MUC3A: variants seen among roughly 807,000 people sequenced by gnomAD.
The protein encoded by MUC3A is mucin 3A, cell surface associated.
In MUC3A, 109 loss-of-function variants were observed where a neutral mutation model predicts 109.0. The observed-to-expected ratio is 1.00, with a 90% CI of 0.86 to 1.17. MUC3A has a LOEUF of 1.17. Ranked by LOEUF, MUC3A falls within the 50% of genes most tolerant of loss-of-function variation. The pLI is 0.00. For missense variants in MUC3A, 3,537 were observed against 2,469.4 expected, an observed-to-expected ratio of 1.43 and a Z score of -9.16; for synonymous variants, 1,398 against 981.4, an observed-to-expected ratio of 1.42 and a Z score of -7.93.
Position 100,963,246 on chromosome 7 carries a change from A to T in MUC3A, c.9148A>T (p.Asn3050Tyr). The T allele has an allele frequency of 6.3e-7, 1 of 1,597,964 alleles. No individual in the cohort carries two copies. The highest frequency in any genetic ancestry group is 8.5e-7 in the Non-Finnish European group (1 of 1,179,570). The change falls in exon 4 of 12, where the codon AAC becomes TAC. Residue 3050 changes from asparagine to tyrosine, a missense_variant. By Grantham distance (143) the Asn-to-Tyr change is moderately radical (BLOSUM62 -2). Coordinates refer to ENST00000379458, the MANE Select transcript of MUC3A (RefSeq NM_005960.2). ...CACTTCCCAGGCCTACAGGGATTTCAACAAGACCTTCTGGAATCAGGTAAA... is the reference window on the plus strand; with the variant it reads ...CACTTCCCAGGCCTACAGGGATTTCTACAAGACCTTCTGGAATCAGGTAAA... ...DNTSQAYRDF[N>Y]KTFWNQMQKI...
At chr7:100,962,372 C>G (rs1213395856) in intron 3 of MUC3A, among the ~76,000 whole-genome samples, 1 of 152,292 alleles carries the variant, frequency 6.6e-6, no homozygotes, top group Non-Finnish European at 1.5e-5. Context: ...GAGCTATGAT[C>G]CCCCTATTGC....
chr7:100,960,446 C>G lies in MUC3A; in HGVS notation c.8667C>G (p.Ile2889Met). 1 of 1,598,608 alleles carries G rather than the reference C, an allele frequency of 6.3e-7. No homozygotes were observed. The highest frequency in any genetic ancestry group is 8.5e-7 in the Non-Finnish European group (1 of 1,179,816). The change falls in exon 2 of 12, where the codon ATC becomes ATG. Residue 2889 changes from isoleucine (I) to methionine (M), a missense_variant. Transcript: ENST00000379458. ...TACCTCTTCCTGGCGTCTCTACCAT[C>G]CCGCTCACCATGAAACCAAGCAGTA... is the stretch of plus-strand genomic sequence containing the variant. Reference protein sequence around the residue: ...IPLPLPGVSTIPLTMKPSSSL... With the variant: ...IPLPLPGVSTMPLTMKPSSSL...
Position 100,967,159 on chromosome 7 carries a change from G to A in MUC3A, c.9969G>A (p.Val3323=), listed in dbSNP as rs1481462145. Residue 3323 remains valine (V), a synonymous_variant, in exon 12 of 12, where the codon GTG becomes GTA. Coordinates refer to ENST00000379458, the MANE Select transcript of MUC3A (RefSeq NM_005960.2). ...GACCCGAGATGACCTCGTCCTCAGT[G>A]TGAGCCCTGCGGGGCCCCTTCACCA... ...IKRPEMTSSS[V] is the part of the protein sequence containing the mutation. The A allele has an allele frequency of 9.4e-6, 15 of 1,598,424 alleles. No individual in the cohort carries two copies. Among genetic ancestry groups the A allele is most frequent in the African/African-American group, 1.3e-5 (1 of 74,964 alleles).
rs779343949 is a variant in MUC3A at position 100,965,854 on chromosome 7, G to A, written c.9599G>A (p.Gly3200Asp). 1 of 1,594,016 alleles carries A rather than the reference G, an allele frequency of 6.3e-7. No individual in the cohort carries two copies. Among genetic ancestry groups the A allele is most frequent in the Non-Finnish European group, 8.5e-7 (1 of 1,176,834 alleles). Residue 3200 changes from glycine to aspartate, a missense_variant, in exon 8 of 12, where the codon GGT (glycine) becomes GAT (aspartate). Coordinates refer to ENST00000379458, the MANE Select transcript of MUC3A (RefSeq NM_005960.2). Reference sequence around the variant, plus strand: ...GGCCAGTGCGTTCTGGAGACGAGCGGTCCCACGTGTCGGTAAGGCCCCGCT... The same window carrying A: ...GGCCAGTGCGTTCTGGAGACGAGCGATCCCACGTGTCGGTAAGGCCCCGCT... ...HQGQCVLETS[G>D]PTCRCYSTDT...
chr7:100,962,514 A>AT, intron 3 of MUC3A, among the ~76,000 whole-genome samples: 1 of 152,310 alleles, frequency 6.6e-6, no homozygotes. Context: ...AGTTCTGGGG[A>AT]TTAGGACATG....
At position 100,967,221 on chromosome 7, in the gene MUC3A, T is replaced by A. The variant is rs1792626230; in HGVS notation, c.*59T>A. 3 of 1,594,662 alleles carry A rather than the reference T, an allele frequency of 1.9e-6. No individual in the cohort carries two copies. The highest frequency in any genetic ancestry group is 2.5e-6 in the Non-Finnish European group (3 of 1,177,332). ...CTGCCCCGGACACAAGGGTCTGCAT[T>A]GCGTCCATTTCAAGAGGTGGCCCCA... On this transcript the variant is annotated 3_prime_UTR_variant, in exon 12 of 12. Transcript: ENST00000379458.
In MUC3A at chr7:100,952,140, G is replaced by T; in HGVS notation, c.361G>T (p.Val121Phe). The stretch of plus-strand genomic sequence containing the variant: ...TGAAACCACTCCACCCACCGTGTTG[G>T]TCTATTCAGCCACCACTGAGTGCGT... ...KVETTPPTVLVYSATTECVYP... is the reference protein window; with the variant it reads ...KVETTPPTVLFYSATTECVYP... The change falls in exon 2 of 12, where the codon GTC becomes TTC. Residue 121 changes from valine to phenylalanine, a missense_variant. Transcript: ENST00000379458. 1.9e-6 allele frequency: 3 copies of T among 1,598,546 alleles called. No homozygotes were observed. Among genetic ancestry groups the T allele is most frequent in the Non-Finnish European group, 1.7e-6 (2 of 1,179,756 alleles).
intron 3 of MUC3A, among the ~76,000 whole-genome samples, chr7:100,961,965 C>CCTGGGCATGGTGG (rs1320039230): frequency 0.011 from 485 of 43,396 alleles, 28 homozygotes; most frequent in East Asian, 0.02. Flanking sequence ...TAAAAACTTA[C>CCTGGGCATGGTGG]CTCACGCCTG....
In MUC3A at chr7:100,954,539, G is replaced by A; in HGVS notation, c.2760G>A (p.Gly920=). The A allele has an allele frequency of 2.5e-6, 1 of 401,374 alleles. No homozygotes were observed. The highest frequency in any genetic ancestry group is 4.4e-6 in the Non-Finnish European group (1 of 228,202). 24.9% of individuals were successfully genotyped at this position (401,374 alleles called of 1,614,324 possible). The change falls in exon 2 of 12, where the codon GGG becomes GGA. Residue 920 remains glycine, a synonymous_variant. Transcript: ENST00000379458. ...FSSSMSESSA[G]TTHTESISSP... is the part of the protein sequence containing the mutation. ...CTTCTATGTCTGAAAGTAGTGCTGGGACCACTCACACAGAGAGTATCTCCT... is the reference window on the plus strand; with the variant it reads ...CTTCTATGTCTGAAAGTAGTGCTGGAACCACTCACACAGAGAGTATCTCCT...
intron 5 of MUC3A, chr7:100,964,327 G>T: frequency 4.0e-6 from 1 of 248,188 alleles, no homozygotes; most frequent in Non-Finnish European, 7.6e-6. Flanking sequence ...AGGCATGGTA[G>T]TGCACACCTG....
rs1584801643 is a variant in MUC3A, at chr7:100,955,793, A to C, written c.4014A>C (p.Pro1338=). ...TSFTTSPTME[P]PSTTVATTGT... ...TCACCACATCCCCAACGATGGAACC[A>C]CCTTCAACCACTGTAGCGACTACAG... Residue 1338 remains proline (P), a synonymous_variant, in exon 2 of 12, where the codon CCA becomes CCC. Coordinates refer to ENST00000379458, the MANE Select transcript of MUC3A (RefSeq NM_005960.2). 3 of 433,708 alleles carry C rather than the reference A, an allele frequency of 6.9e-6. No individual in the cohort carries two copies. Among genetic ancestry groups the C allele is most frequent in the Admixed American group, 8.2e-5 (2 of 24,382 alleles). The allele number at this position is 433,708 out of a possible 1,614,324, so 26.9% of individuals were successfully genotyped here.
Position 100,959,836 on chromosome 7 carries a change from C to T in MUC3A, c.8057C>T (p.Pro2686Leu). 2 of 1,576,528 alleles carry T rather than the reference C, an allele frequency of 1.3e-6. No individual in the cohort carries two copies. Among genetic ancestry groups the T allele is most frequent in the Non-Finnish European group, 1.7e-6 (2 of 1,169,048 alleles). Residue 2686 changes from proline (P) to leucine (L), a missense_variant, in exon 2 of 12, where the codon CCC (proline) becomes CTC (leucine). Pro to Leu is a moderately conservative substitution (Grantham distance 98). Transcript: ENST00000379458. The part of the protein sequence containing the change: ...SFSTIIWSST[P>L]TIIMSSSPSS... ...AGTACCATCATCTGGTCCTCAACACCCACTATTATCATGTCCTCTTCTCCA... is the reference window on the plus strand; with the variant it reads ...AGTACCATCATCTGGTCCTCAACACTCACTATTATCATGTCCTCTTCTCCA...
chr7:100,959,441 C>G lies in MUC3A; in HGVS notation c.7662C>G (p.Thr2554=). ...CCACCATGTCCACTGTGAGAATGAC[C>G]CTCAGAATTACTGAGAACACCCCAA... ...TSPTMSTVRM[T]LRITENTPIS... The change falls in exon 2 of 12, where the codon ACC becomes ACG. Residue 2554 remains threonine (T), a synonymous_variant. Coordinates refer to ENST00000379458, the MANE Select transcript of MUC3A (RefSeq NM_005960.2). 6.5e-7 allele frequency: 1 copy of G among 1,549,380 alleles called. No homozygotes were observed. The highest frequency in any genetic ancestry group is 8.6e-7 in the Non-Finnish European group (1 of 1,159,300).
In MUC3A at chr7:100,958,879, C is replaced by T. The variant is rs762073513; in HGVS notation, c.7100C>T (p.Thr2367Ile). ...SFTSSITTTETTSHSTPSFSS... is the reference protein window; with the variant it reads ...SFTSSITTTEITSHSTPSFSS... ...ACTTCTTCGATCACCACCACCGAGA[C>T]CACCTCACACAGTACTCCCAGCTTC... is the stretch of plus-strand genomic sequence containing the variant. Residue 2367 changes from threonine (T) to isoleucine (I), a missense_variant, in exon 2 of 12, where the codon ACC becomes ATC. Transcript: ENST00000379458. The T allele has an allele frequency of 8.5e-6, 13 of 1,535,692 alleles. No individual in the cohort carries two copies. The East Asian group carries it at 1.4e-4, about 17-fold the overall frequency.
intron 1 of MUC3A, among the ~76,000 whole-genome samples, chr7:100,951,392 C>T (rs1335491127): frequency 6.6e-6 from 1 of 152,128 alleles, no homozygotes; most frequent in African/African-American, 2.4e-5. Flanking sequence ...GCGGAGTCAG[C>T]CCAGACAGCA....
In MUC3A at chr7:100,963,704, C is replaced by T. The variant is rs957894645; in HGVS notation, c.9185C>T (p.Ala3062Val). The stretch of plus-strand genomic sequence containing the variant: ...GTGTTTCAGATGCAGAAGATTTTTG[C>T]AGACATGCAGGGCTTCACCTTCAAG... ...TFWNQMQKIF[A>V]DMQGFTFKGV... Residue 3062 changes from alanine to valine, a missense_variant, in exon 5 of 12, where the codon GCA (alanine) becomes GTA (valine). Ala to Val is a moderately conservative substitution (Grantham distance 64, BLOSUM62 0). Transcript: ENST00000379458. 60 of 1,598,282 alleles carry T rather than the reference C, an allele frequency of 3.8e-5. No homozygotes were observed. In the South Asian group the frequency reaches 6.2e-4, roughly 16 times the overall value.
In MUC3A at chr7:100,958,471, C is replaced by G. The variant is rs986663486; in HGVS notation, c.6692C>G (p.Thr2231Ser). ...AGTTCTTCGATCACCACCACTGAGA[C>G]CACATCCCACAGTACTCCCGGCTTC... The part of the protein sequence containing the change: ...SFSSSITTTE[T>S]TSHSTPGFTS... Residue 2231 changes from threonine (T) to serine (S), a missense_variant, in exon 2 of 12, where the codon ACC (threonine) becomes AGC (serine). Physicochemically the swap from Thr to Ser is moderately conservative, Grantham distance 58. Transcript: ENST00000379458. The G allele has an allele frequency of 4.3e-4, 579 of 1,343,510 alleles. No individual in the cohort carries two copies. The African/African-American group carries it at 7.9e-3, about 18-fold the overall frequency. The allele number at this position is 1,343,510 out of a possible 1,614,324, so 83.2% of individuals were successfully genotyped here.
rs751814970 is a variant in MUC3A at position 100,966,967 on chromosome 7, G to A, written c.9930+16G>A. The A allele has an allele frequency of 8.8e-6, 14 of 1,598,430 alleles. No homozygotes were observed. Among genetic ancestry groups the A allele is most frequent in the South Asian group, 1.1e-5 (1 of 91,096 alleles). ...CACTATGAAGGTGAGGGGCTAAAGAGGGGGACCCCAAGGAACTCTCCCAGC... is the reference window on the plus strand; with the variant it reads ...CACTATGAAGGTGAGGGGCTAAAGAAGGGGACCCCAAGGAACTCTCCCAGC... On this transcript the variant is annotated intron_variant, in intron 11 of 11. Transcript: ENST00000379458.
Position 100,964,710 on chromosome 7 carries a change from G to A in MUC3A, c.9249G>A (p.Val3083=). ...GACCCCTCAGGAATGGCAGCATCGT[G>A]GTGGACTACCTGGTCCTGCTGGAGA... ...EILSLRNGSI[V]VDYLVLLEMP... The change falls in exon 6 of 12, where the codon GTG becomes GTA. Residue 3083 remains valine, a synonymous_variant. Coordinates refer to ENST00000379458, the MANE Select transcript of MUC3A (RefSeq NM_005960.2). 1 of 1,598,338 alleles carries A rather than the reference G, an allele frequency of 6.3e-7. No homozygotes were observed. Among genetic ancestry groups the A allele is most frequent in the East Asian group, 2.2e-5 (1 of 44,880 alleles).
Sources: allele counts gnomAD v4.1 joint callset (sites outside exome capture counted in the v4.1 genomes callset), GRCh38; gene constraint gnomAD v4.1.1; transcripts MANE v1.5; gene names NCBI Gene and HGNC (gene_info 2026-07-23, HGNC 2026-07-21).